QRICH1: variants seen among roughly 807,000 people sequenced by gnomAD.
QRICH1 encodes glutamine rich 1, also known as transcriptional regulator QRICH1.
QRICH1 carries 16 observed loss-of-function variants against 87.1 expected under a neutral mutation model. The ratio of observed to expected loss-of-function variants is 0.18; its 90% CI spans 0.12 to 0.28. The LOEUF (loss-of-function observed/expected upper bound fraction) is 0.28. QRICH1 is among the 10% of genes least tolerant of loss of function. QRICH1 has a pLI of 1.00. For missense variants in QRICH1, 647 were observed against 951.7 expected, an observed-to-expected ratio of 0.68 and a Z score of 4.21; for synonymous variants, 367 against 368.4, an observed-to-expected ratio of 1.00 and a Z score of 0.05.
chr3:49,061,193 AAC>A (rs1439587883), intron 2 of QRICH1, among the ~76,000 whole-genome samples: 3 of 149,832 alleles, frequency 2.0e-5, no homozygotes, highest in Admixed American at 6.7e-5. Flanking sequence ...TGTGAGGTGA[AAC>A]AGTTTCATCC....
intron 2 of QRICH1, among the ~76,000 whole-genome samples, chr3:49,074,774 C>T (rs996489272): frequency 3.8e-4 from 57 of 151,172 alleles, no homozygotes; most frequent in African/African-American, 1.3e-3. Flanking sequence ...GTCAGGAGAT[C>T]GAGACCATCC....
chr3:49,045,060 C>G (rs1278517062), intron 5 of QRICH1, among the ~76,000 whole-genome samples: 1 of 152,078 alleles, frequency 6.6e-6, no homozygotes, highest in Non-Finnish European at 1.5e-5. Context: ...GGTTTCTCCT[C>G]AAGAGCCTTC....
intron 9 of QRICH1, among the ~76,000 whole-genome samples, chr3:49,031,963 T>C (rs1266704072): frequency 2.0e-5 from 3 of 152,212 alleles, no homozygotes; most frequent in Non-Finnish European, 4.4e-5. Context: ...AAGGTGACTG[T>C]AGGGACCCGG....
In QRICH1 at chr3:49,056,943, T is replaced by C. The variant is rs779908547; in HGVS notation, c.1257A>G (p.Gln419=). Reference sequence around the variant, plus strand: ...GGGGAGTTTGCTGCTGCGGCTGCTGTTGGGGGTCCCATATATGGACAGTTT... The same window carrying C: ...GGGGAGTTTGCTGCTGCGGCTGCTGCTGGGGGTCCCATATATGGACAGTTT... ...TAQTVHIWDP[Q]QQPQQQTPQE... The change falls in exon 3 of 10, where the codon CAA becomes CAG. Residue 419 remains glutamine (Q), a synonymous_variant. Coordinates refer to ENST00000395443, the MANE Select transcript of QRICH1 (RefSeq NM_198880.3). 8.7e-6 allele frequency: 14 copies of C among 1,614,044 alleles called. No individual in the cohort carries two copies. Among genetic ancestry groups the C allele is most frequent in the African/African-American group, 8.0e-5 (6 of 74,916 alleles).
At chr3:49,062,424 A>C (rs909724107) in intron 2 of QRICH1, among the ~76,000 whole-genome samples, 3 of 135,750 alleles carry the variant, frequency 2.2e-5, no homozygotes, top group Non-Finnish European at 4.7e-5. Context: ...CCAGTGGTGG[A>C]ATCTCAGCTT....
At position 49,057,101 on chromosome 3, in the gene QRICH1, C is replaced by T; in HGVS notation, c.1099G>A (p.Val367Ile). Residue 367 changes from valine to isoleucine, a missense_variant, in exon 3 of 10, where the codon GTA (valine) becomes ATA (isoleucine). Physicochemically the swap from Val to Ile is conservative, Grantham distance 29 (BLOSUM62 3). Transcript: ENST00000395443. The surrounding 1 kb of genome is among the most constrained non-coding windows in gnomAD (Gnocchi z 5.4). ...DKEKMVGTTS[V>I]VKNSHEEVVQ... Reference sequence around the variant, plus strand: ...ACCTCTTCATGGGAGTTTTTCACTACAGATGTGGTGCCCACCATCTTCTCC... The same window carrying T: ...ACCTCTTCATGGGAGTTTTTCACTATAGATGTGGTGCCCACCATCTTCTCC... 8 of 1,614,246 alleles carry T rather than the reference C, an allele frequency of 5.0e-6. No homozygotes were observed. The highest frequency in any genetic ancestry group is 6.8e-6 in the Non-Finnish European group (8 of 1,180,050).
chr3:49,056,931 C>T lies in QRICH1; in HGVS notation c.1269G>A (p.Gln423=). Residue 423 remains glutamine (Q), a synonymous_variant, in exon 3 of 10, where the codon CAG becomes CAA. Transcript: ENST00000395443. ...GTGTCTGTTCCTGGGGAGTTTGCTG[C>T]TGCGGCTGCTGTTGGGGGTCCCATA... is the stretch of plus-strand genomic sequence containing the variant. ...VHIWDPQQQP[Q]QQTPQEQTPP... 1 of 1,614,138 alleles carries T rather than the reference C, an allele frequency of 6.2e-7. No homozygotes were observed. The highest frequency in any genetic ancestry group is 8.5e-7 in the Non-Finnish European group (1 of 1,180,002).
chr3:49,089,766 T>A (rs983349367), intron 1 of QRICH1, among the ~76,000 whole-genome samples: 1 of 151,974 alleles, frequency 6.6e-6, no homozygotes, highest in African/African-American at 2.4e-5. Flanking sequence ...AGGAAACAAA[T>A]CTAAACTAGG....
chr3:49,047,962 A>C (rs1205009306), intron 3 of QRICH1, among the ~76,000 whole-genome samples: 5 of 152,046 alleles, frequency 3.3e-5, no homozygotes, highest in African/African-American at 9.7e-5. Context: ...CAAAACAAAA[A>C]AACTCCTCAA....
intron 2 of QRICH1, among the ~76,000 whole-genome samples, chr3:49,072,531 C>CA (rs767090539): frequency 0.018 from 2,027 of 111,190 alleles, 19 homozygotes; most frequent in Middle Eastern, 0.028. Context: ...GTCTCCATTA[C>CA]AAAAAAAAAA....
chr3:49,084,452 G>A lies in QRICH1; in HGVS notation c.-21-7414C>T, dbSNP rs571284931. 5.9e-5 allele frequency among the ~76,000 whole-genome samples: 9 copies of A among 151,640 alleles called. No individual in the cohort carries two copies. In the South Asian group the frequency reaches 1.3e-3, roughly 21 times the overall value. On this transcript the variant is annotated intron_variant, in intron 1 of 9. Coordinates refer to ENST00000395443, the MANE Select transcript of QRICH1 (RefSeq NM_198880.3). ...TGTATTTTAGTAGAGACGGGATTTCGCCATGTTGGTCAGGATGTACTCAAA... is the reference window on the plus strand; with the variant it reads ...TGTATTTTAGTAGAGACGGGATTTCACCATGTTGGTCAGGATGTACTCAAA...
chr3:49,078,242 C>T (rs967773477), intron 1 of QRICH1, among the ~76,000 whole-genome samples: 118 of 152,180 alleles, frequency 7.8e-4, no homozygotes, highest in African/African-American at 2.6e-3. Flanking sequence ...TGTGGGTAAA[C>T]GTCTCCTTTC....
At chr3:49,039,600 AAC>A (rs1280383407) in intron 6 of QRICH1, among the ~76,000 whole-genome samples, 1 of 144,088 alleles carries the variant, frequency 6.9e-6, no homozygotes, top group Non-Finnish European at 1.5e-5. Context: ...CAGCCTAGGC[AAC>A]ACAGAGACTC....
At chr3:49,032,040 A>C in intron 9 of QRICH1, 143 bp downstream of exon 9, 1 of 692,032 alleles carries the variant, frequency 1.4e-6, no homozygotes, top group Non-Finnish European at 2.4e-6. Context: ...GGCTGCTTCT[A>C]AATTTAGCTT....
chr3:49,065,217 T>C (rs1170897331), intron 2 of QRICH1, among the ~76,000 whole-genome samples: 2 of 151,596 alleles, frequency 1.3e-5, no homozygotes, highest in South Asian at 2.1e-4. Flanking sequence ...CTCACTCAGC[T>C]CAATGCAACC....
In QRICH1 at chr3:49,030,025, A is replaced by G. The variant is rs752803252; in HGVS notation, c.*427T>C. On this transcript the variant is annotated 3_prime_UTR_variant, in exon 10 of 10. Coordinates refer to ENST00000395443, the MANE Select transcript of QRICH1 (RefSeq NM_198880.3). ...TTTATGTCTGATCATGAAGAAAGAA[A>G]AGAACATCGTTCCCCTGTGGTCAGC... is the stretch of plus-strand genomic sequence containing the variant. The G allele has an allele frequency of 3.9e-6, 1 of 258,404 alleles. No homozygotes were observed. Among genetic ancestry groups the G allele is most frequent in the African/African-American group, 2.2e-5 (1 of 45,296 alleles). 16.0% of individuals were successfully genotyped at this position (258,404 alleles called of 1,614,324 possible).
rs200634836 is a variant in QRICH1, at chr3:49,057,745, T to G, written c.455A>C (p.Gln152Pro). ...ACTGGGACTCTGCAGAGACGGGGTC[T>G]GAATGGAGGGGGCTGCTGACTGTGG... is the stretch of plus-strand genomic sequence containing the variant. ...QAPQSAAPSI[Q>P]TPSLQSPSPS... Residue 152 changes from glutamine (Q) to proline (P), a missense_variant, in exon 3 of 10, where the codon CAG becomes CCG. Around this residue, in one of 7 missense-constraint regions of QRICH1, gnomAD observed 156 missense variants for 164.5 expected, o/e 0.95. Transcript: ENST00000395443. This position sits in a 1 kb window ranked among gnomAD's most constrained non-coding sequence, Gnocchi z 5.4. 32 of 1,614,068 alleles carry G rather than the reference T, an allele frequency of 2.0e-5. No homozygotes were observed. In the East Asian group the frequency reaches 5.6e-4, roughly 28 times the overall value.
At chr3:49,031,115 T>C (rs2093235477) in intron 9 of QRICH1, among the ~76,000 whole-genome samples, 1 of 150,852 alleles carries the variant, frequency 6.6e-6, no homozygotes, top group Non-Finnish European at 1.5e-5. Flanking sequence ...GCCTCTGGAG[T>C]AGCTGGAACC....
intron 4 of QRICH1, 30 bp downstream of exon 4, chr3:49,047,039 C>T (rs1262037374): frequency 1.9e-6 from 3 of 1,592,470 alleles, no homozygotes; most frequent in Non-Finnish European, 2.6e-6. Context: ...GCATTTTAGA[C>T]ACAGCCCACT....
Sources: gnomAD v4.1 joint callset for allele counts (sites outside exome capture counted in the v4.1 genomes callset) on GRCh38, gnomAD v4.1.1 for gene constraint, gnomAD v4.1.1 regional missense constraint, Gnocchi (gnomAD v3.1) non-coding constraint, MANE v1.5 for transcripts, NCBI Gene and HGNC (gene_info 2026-07-23, HGNC 2026-07-21) for gene names.